Variants in SLC12A6 observed in about 807,000 individuals in gnomAD.
The protein encoded by SLC12A6 is K-Cl cotransporter 3.
Under a neutral mutation model 135.3 loss-of-function variants are expected in SLC12A6, and 66 were observed. The observed-to-expected ratio is 0.49, with a 90% CI of 0.40 to 0.60. The LOEUF (loss-of-function observed/expected upper bound fraction) is 0.60, where lower values mean the gene tolerates loss of function less well. SLC12A6 is among the 20% of genes least tolerant of loss of function. The probability of loss-of-function intolerance (pLI) is 0.00; values close to 1 mark genes in which losing one functional copy is unlikely to be tolerated. For missense variants in SLC12A6, 1,058 were observed against 1,452.3 expected, an observed-to-expected ratio of 0.73 and a Z score of 4.41; for synonymous variants, 513 against 508.8, an observed-to-expected ratio of 1.01 and a Z score of -0.11.
rs1189684570 is a variant in SLC12A6, at chr15:34,254,329, CAG to C, written c.1118+17_1118+18del. On this transcript the variant is annotated intron_variant, in intron 9 of 25. Transcript: ENST00000354181. Reference sequence around the variant, plus strand: ...TTACTACCCAATAAGGATGGCTAGGCAGAGAGACAGACACGTACGGGAAGTGT... The same window carrying C: ...TTACTACCCAATAAGGATGGCTAGGCAGAGACAGACACGTACGGGAAGTGT... 7 of 1,610,220 alleles carry C rather than the reference CAG, an allele frequency of 4.3e-6. No individual in the cohort carries two copies. In the South Asian group the frequency reaches 4.4e-5, roughly 10 times the overall value.
intron 23 of SLC12A6, among the ~76,000 whole-genome samples, chr15:34,236,495 C>T (rs1002793496): frequency 6.6e-6 from 1 of 152,160 alleles, no homozygotes; most frequent in Non-Finnish European, 1.5e-5. Flanking sequence ...CAGGCATGTG[C>T]CACCATGCCC....
intron 2 of SLC12A6, among the ~76,000 whole-genome samples, chr15:34,300,571 A>G (rs1038720552): frequency 6.6e-6 from 1 of 152,048 alleles, no homozygotes; most frequent in African/African-American, 2.4e-5. Flanking sequence ...CTGAGGCAAG[A>G]GGATCACTTG....
At chr15:34,235,096 C>A (rs1324431340) in intron 25 of SLC12A6, 85 bp downstream of exon 25, 1 of 1,242,700 alleles carries the variant, frequency 8.0e-7, no homozygotes, top group Non-Finnish European at 1.2e-6. Flanking sequence ...GGGGCATAGA[C>A]AATGACTTTT....
intron 2 of SLC12A6, chr15:34,318,626 G>A: frequency 6.2e-7 from 1 of 1,613,644 alleles, no homozygotes; most frequent in South Asian, 1.1e-5. Flanking sequence ...AGAGATCGAA[G>A]CCGCTGCCCC....
chr15:34,321,938 G>A (rs1180742804), intron 2 of SLC12A6, among the ~76,000 whole-genome samples: 1 of 152,194 alleles, frequency 6.6e-6, no homozygotes, highest in Non-Finnish European at 1.5e-5. Flanking sequence ...AGAAAAAGCA[G>A]GACAATGGCT....
chr15:34,270,331 T>A (rs1893829795), intron 3 of SLC12A6, among the ~76,000 whole-genome samples: 1 of 152,048 alleles, frequency 6.6e-6, no homozygotes, highest in Admixed American at 6.6e-5. Context: ...CCTCAAGTAA[T>A]CCTCCTACCT....
At chr15:34,301,359 T>G (rs896098006) in intron 2 of SLC12A6, among the ~76,000 whole-genome samples, 12 of 151,890 alleles carry the variant, frequency 7.9e-5, no homozygotes, top group African/African-American at 2.9e-4. Context: ...AGAAACAAAG[T>G]CCTCATCAAA....
chr15:34,310,631 T>G (rs111397817), intron 2 of SLC12A6, among the ~76,000 whole-genome samples: 1 of 19,274 alleles, frequency 5.2e-5, no homozygotes, highest in East Asian at 1.3e-3. Flanking sequence ...TGGGCTCAAG[T>G]GTGTGTGTGT....
intron 2 of SLC12A6, among the ~76,000 whole-genome samples, chr15:34,311,116 A>C (rs964834812): frequency 5.9e-5 from 9 of 152,048 alleles, no homozygotes; most frequent in Non-Finnish European, 1.2e-4. Flanking sequence ...TCCTCTCTCT[A>C]TTGTGCTATA....
chr15:34,296,915 T>C (rs74921651), intron 2 of SLC12A6, among the ~76,000 whole-genome samples: 1,697 of 152,312 alleles, frequency 0.011, 41 homozygotes, highest in African/African-American at 0.039. Flanking sequence ...ACCAAACTGT[T>C]TTACTTGTGT....
rs775487394 is a variant in SLC12A6, at chr15:34,275,349, C to A, written c.312G>T (p.Leu104=). 1 of 1,504,124 alleles carries A rather than the reference C, an allele frequency of 6.6e-7. No homozygotes were observed. 93.2% of individuals were successfully genotyped at this position (1,504,124 alleles called of 1,614,324 possible). A position where few individuals can be genotyped will look rare whatever the true frequency, so the allele number is the denominator to read the frequency against. The change falls in exon 3 of 26, where the codon CTG becomes CTT. Residue 104 remains leucine, a synonymous_variant. Coordinates refer to ENST00000354181, the MANE Select transcript of SLC12A6 (RefSeq NM_001365088.1). The part of the protein sequence containing the change: ...QNSITGEHSQ[L]LDDGHKKARN... Reference sequence around the variant, plus strand: ...ATCCCCACAGTAATACTATACCTAACAGTTGGCTGTGTTCCCCTGTGATGG... The same window carrying A: ...ATCCCCACAGTAATACTATACCTAAAAGTTGGCTGTGTTCCCCTGTGATGG...
At chr15:34,310,330 C>T (rs111985410) in intron 2 of SLC12A6, among the ~76,000 whole-genome samples, 14 of 73,554 alleles carry the variant, frequency 1.9e-4, no homozygotes, top group African/African-American at 6.4e-4. Flanking sequence ...TGTGTGTCCC[C>T]GTGTCCAGGC....
intron 2 of SLC12A6, among the ~76,000 whole-genome samples, chr15:34,330,105 A>G (rs1222024914): frequency 6.6e-6 from 1 of 152,186 alleles, no homozygotes; most frequent in African/African-American, 2.4e-5. Context: ...CACTCGTCTC[A>G]AAAGTATCTT....
intron 2 of SLC12A6, among the ~76,000 whole-genome samples, chr15:34,303,840 A>G (rs2141027440): frequency 6.6e-6 from 1 of 152,320 alleles, no homozygotes; most frequent in South Asian, 2.1e-4. Context: ...TGGACTTTCC[A>G]GCCTCCAGAA....
chr15:34,308,602 G>A lies in SLC12A6; in HGVS notation c.271+27808C>T, dbSNP rs928235296. ...ACCACTCCACTGCACTTCAGCCTGA[G>A]CAAGGAAGCCAGACACTGTCCACCT... is the stretch of plus-strand genomic sequence containing the variant. On this transcript the variant is annotated intron_variant, in intron 2 of 25. Coordinates refer to ENST00000354181, the MANE Select transcript of SLC12A6 (RefSeq NM_001365088.1). 1.2e-4 allele frequency among the ~76,000 whole-genome samples: 16 copies of A among 129,274 alleles called. No individual in the cohort carries two copies. The Admixed American group carries it at 1.4e-3, about 11-fold the overall frequency. 84.8% of individuals were successfully genotyped at this position (129,274 alleles called of 152,430 possible).
intron 2 of SLC12A6, among the ~76,000 whole-genome samples, chr15:34,287,866 T>C (rs1417124121): frequency 1.3e-5 from 2 of 152,226 alleles, no homozygotes; most frequent in East Asian, 1.9e-4. Flanking sequence ...TCTTTGTAGA[T>C]TGTGGATATT....
At chr15:34,236,325 T>G (rs992199600) in intron 23 of SLC12A6, 126 bp from the exon 24 acceptor site, 11 of 768,598 alleles carry the variant, frequency 1.4e-5, no homozygotes, top group Non-Finnish European at 2.5e-5. Flanking sequence ...TTTGTCATCC[T>G]TGAAAACAAT....
rs201915253 is a variant in SLC12A6 at position 34,233,835 on chromosome 15, G to C, written c.*46C>G. On this transcript the variant is annotated 3_prime_UTR_variant, in exon 26 of 26. Coordinates refer to ENST00000354181, the MANE Select transcript of SLC12A6 (RefSeq NM_001365088.1). The stretch of plus-strand genomic sequence containing the variant: ...ATGAGCTGGCACTTCCATGGAGGAC[G>C]TAGGCCTTTTAAGAAAACAGGTCAA... 2 of 990,112 alleles carry C rather than the reference G, an allele frequency of 2.0e-6. No homozygotes were observed. Among genetic ancestry groups the C allele is most frequent in the Non-Finnish European group, 3.3e-6 (2 of 610,188 alleles). The allele number at this position is 990,112 out of a possible 1,614,324, so 61.3% of individuals were successfully genotyped here. A position where few individuals can be genotyped will look rare whatever the true frequency, so the allele number is the denominator to read the frequency against.
At chr15:34,296,680 G>A (rs1337363130) in intron 2 of SLC12A6, among the ~76,000 whole-genome samples, 1 of 152,166 alleles carries the variant, frequency 6.6e-6, no homozygotes, top group African/African-American at 2.4e-5. Context: ...TCGATGCGTT[G>A]CTAATGCAGC....
Sources: allele counts gnomAD v4.1 joint callset (sites outside exome capture counted in the v4.1 genomes callset), GRCh38; gene constraint gnomAD v4.1.1; transcripts MANE v1.5; gene names NCBI Gene and HGNC (gene_info 2026-07-23, HGNC 2026-07-21).